The following ZNF423 variants were observed in gnomAD, a reference collection of about 807,000 sequenced individuals.
ZNF423 encodes the protein Ebf-associated zinc finger protein.
ZNF423 carries 12 observed loss-of-function variants against 95.8 expected under a neutral mutation model. That is an observed-to-expected ratio of 0.13 (90% confidence interval 0.08 to 0.20). ZNF423 has a LOEUF of 0.20. Ranked by LOEUF, ZNF423 falls within the 10% of genes least tolerant of loss-of-function variation. ZNF423 has a pLI of 1.00. For missense variants in ZNF423, 1,316 were observed against 1,737.1 expected, an observed-to-expected ratio of 0.76 and a Z score of 4.31; for synonymous variants, 749 against 711.9, an observed-to-expected ratio of 1.05 and a Z score of -0.83.
chr16:49,552,287 C>T (rs984454125), intron 5 of ZNF423, among the ~76,000 whole-genome samples: 4 of 152,220 alleles, frequency 2.6e-5, no homozygotes, highest in African/African-American at 9.6e-5. Flanking sequence ...AAGCTCCTGC[C>T]CCTTTCTGAG....
intron 5 of ZNF423, among the ~76,000 whole-genome samples, chr16:49,560,241 A>G (rs567213997): frequency 1.1e-4 from 16 of 152,300 alleles, no homozygotes; most frequent in Admixed American, 6.5e-5. Flanking sequence ...AATAGGCAGG[A>G]GCTCTGAGCA....
At chr16:49,559,702 A>G (rs1189005328) in intron 5 of ZNF423, among the ~76,000 whole-genome samples, 1 of 152,212 alleles carries the variant, frequency 6.6e-6, no homozygotes, top group Non-Finnish European at 1.5e-5. Flanking sequence ...CATTTGAACC[A>G]AGGTCTACTG....
chr16:49,799,750 CAAT>C (rs2034553396), intron 1 of ZNF423, among the ~76,000 whole-genome samples: 1 of 152,172 alleles, frequency 6.6e-6, no homozygotes, highest in Non-Finnish European at 1.5e-5. Context: ...TAAAATAGGA[CAAT>C]GAGTGTGAAA....
rs142981316 is a variant in ZNF423 at position 49,825,152 on chromosome 16, T to C, written c.40+30583A>G. Among the ~76,000 whole-genome samples, 53 of 152,330 alleles carry C rather than the reference T, an allele frequency of 3.5e-4. No homozygotes were observed. The East Asian group carries it at 7.7e-3, about 22-fold the overall frequency. ...TTATGTGGATTTCATTATATTCCCT[T>C]GGCTGAAATCCTGATCACTTAACAG... On this transcript the variant is annotated intron_variant, in intron 1 of 7. Transcript: ENST00000563137.
intron 2 of ZNF423, among the ~76,000 whole-genome samples, chr16:49,768,881 C>T (rs949026367): frequency 6.6e-5 from 10 of 152,098 alleles, no homozygotes; most frequent in African/African-American, 2.4e-4. Context: ...ATGGACAAGC[C>T]GAACTTTTGA....
chr16:49,808,660 G>C (rs1330428834), intron 1 of ZNF423, among the ~76,000 whole-genome samples: 2 of 152,236 alleles, frequency 1.3e-5, no homozygotes, highest in East Asian at 3.8e-4. Flanking sequence ...GCAGAGGACA[G>C]TGGGAGGGGC....
intron 5 of ZNF423, among the ~76,000 whole-genome samples, chr16:49,543,446 G>A (rs1256490309): frequency 1.3e-5 from 2 of 152,138 alleles, no homozygotes; most frequent in East Asian, 1.9e-4. Context: ...GCTCAATTCA[G>A]CGCTCCAGAG....
intron 6 of ZNF423, 148 bp downstream of exon 6, chr16:49,525,215 T>G: frequency 8.2e-7 from 1 of 1,216,064 alleles, no homozygotes; most frequent in South Asian, 1.5e-5. Flanking sequence ...AAGGGCCTGT[T>G]AATCCCTCAG....
intron 2 of ZNF423, among the ~76,000 whole-genome samples, chr16:49,763,561 C>T (rs2160284): frequency 0.55 from 83,117 of 151,890 alleles, 23,793 homozygotes; most frequent in African/African-American, 0.73. Flanking sequence ...CCACATGTCC[C>T]TCCAAAGGCA....
chr16:49,617,541 G>A (rs1971919533), intron 5 of ZNF423, among the ~76,000 whole-genome samples: 1 of 152,134 alleles, frequency 6.6e-6, no homozygotes, highest in African/African-American at 2.4e-5. Flanking sequence ...TGATGCCAGG[G>A]CTCCAGTGCC....
rs1047290238 is a variant in ZNF423 at position 49,488,619 on chromosome 16, G to A, written c.*2656C>T. On this transcript the variant is annotated 3_prime_UTR_variant, in exon 8 of 8. Coordinates refer to ENST00000563137, the MANE Select transcript of ZNF423 (RefSeq NM_001379286.1). ...CCATGCTGCTTACAGGTCTCTGTGTGCAGCCCTTTGTCAGGCATCACTTCA... is the reference window on the plus strand; with the variant it reads ...CCATGCTGCTTACAGGTCTCTGTGTACAGCCCTTTGTCAGGCATCACTTCA... 16 of 152,218 alleles carry A rather than the reference G, an allele frequency of 1.1e-4. No homozygotes were observed. The highest frequency in any genetic ancestry group is 2.7e-4 in the African/African-American group (11 of 41,428). 9.4% of individuals were successfully genotyped at this position (152,218 alleles called of 1,614,324 possible).
chr16:49,499,198 C>A (rs1390601274), intron 7 of ZNF423, among the ~76,000 whole-genome samples: 1 of 152,242 alleles, frequency 6.6e-6, no homozygotes, highest in African/African-American at 2.4e-5. Context: ...TGGCCTTGGA[C>A]AAAGCCCTGA....
At chr16:49,633,895 T>C (rs1257306469) in intron 4 of ZNF423, among the ~76,000 whole-genome samples, 2 of 151,980 alleles carry the variant, frequency 1.3e-5, no homozygotes, top group Non-Finnish European at 2.9e-5. Context: ...CTGTTTCTTT[T>C]TCTTCCTTTC....
chr16:49,823,409 T>G (rs1333132636), intron 1 of ZNF423, among the ~76,000 whole-genome samples: 1 of 152,160 alleles, frequency 6.6e-6, no homozygotes, highest in Non-Finnish European at 1.5e-5. Context: ...CGAGTGTTAA[T>G]GCTGCATCAC....
chr16:49,711,465 G>A (rs767506407), intron 3 of ZNF423: 1 of 152,034 alleles, frequency 6.6e-6, no homozygotes, highest in African/African-American at 2.4e-5. Flanking sequence ...GATCCAATAT[G>A]GTATCATTCA....
chr16:49,694,522 C>T (rs1042802563), intron 3 of ZNF423, among the ~76,000 whole-genome samples: 6 of 152,242 alleles, frequency 3.9e-5, no homozygotes, highest in Non-Finnish European at 7.3e-5. Context: ...TGCTCATCTG[C>T]AAGCAGGGAT....
chr16:49,550,111 T>A (rs144452878), intron 5 of ZNF423, among the ~76,000 whole-genome samples: 36 of 152,276 alleles, frequency 2.4e-4, no homozygotes, highest in African/African-American at 8.7e-4. Context: ...TAAGCAATCC[T>A]CCTACCGTGG....
chr16:49,694,522 C>A (rs1042802563), intron 3 of ZNF423, among the ~76,000 whole-genome samples: 1 of 152,242 alleles, frequency 6.6e-6, no homozygotes, highest in Non-Finnish European at 1.5e-5. Flanking sequence ...TGCTCATCTG[C>A]AAGCAGGGAT....
intron 5 of ZNF423, among the ~76,000 whole-genome samples, chr16:49,562,308 G>A (rs542443761): frequency 2.0e-5 from 3 of 152,330 alleles, no homozygotes; most frequent in East Asian, 1.9e-4. Flanking sequence ...AACTGGATCC[G>A]TGTGAGTCTT....
Sources: allele counts gnomAD v4.1 joint callset (sites outside exome capture counted in the v4.1 genomes callset), GRCh38; gene constraint gnomAD v4.1.1; transcripts MANE v1.5; gene names NCBI Gene and HGNC (gene_info 2026-07-23, HGNC 2026-07-21).